Variants in FGF14 observed in about 807,000 individuals in gnomAD.
FGF14 encodes fibroblast growth factor homologous factor 4.
FGF14 carries 5 observed loss-of-function variants against 25.5 expected under a neutral mutation model. The ratio of observed to expected loss-of-function variants is 0.20; its 90% CI spans 0.10 to 0.41. The LOEUF (loss-of-function observed/expected upper bound fraction) is 0.41. FGF14 is among the 10% of genes least tolerant of loss of function. The probability of loss-of-function intolerance (pLI) is 1.00; values close to 1 mark genes in which losing one functional copy is unlikely to be tolerated. For missense variants in FGF14, 222 were observed against 320.1 expected (o/e 0.69, Z 2.34); for synonymous variants, 138 against 118.3 (o/e 1.17, Z -1.08).
At chr13:101,866,981 G>A (rs2140438325) in intron 3 of FGF14, among the ~76,000 whole-genome samples, 1 of 152,194 alleles carries the variant, frequency 6.6e-6, no homozygotes, top group South Asian at 2.1e-4. Context: ...GCCACCAAAG[G>A]GGAGGCCTGG....
At chr13:101,959,042 C>A (rs2036679129) in intron 1 of FGF14, among the ~76,000 whole-genome samples, 1 of 152,190 alleles carries the variant, frequency 6.6e-6, no homozygotes, top group Non-Finnish European at 1.5e-5. Flanking sequence ...CCAAGCAAAC[C>A]TTCAATCTTC....
chr13:101,889,602 A>G (rs1487244981), intron 1 of FGF14, among the ~76,000 whole-genome samples: 2 of 152,202 alleles, frequency 1.3e-5, no homozygotes, highest in Non-Finnish European at 2.9e-5. Flanking sequence ...TAGACTGCAA[A>G]CCACTCATCA....
intron 1 of FGF14, among the ~76,000 whole-genome samples, chr13:101,914,688 T>C (rs933437984): frequency 2.0e-5 from 3 of 152,182 alleles, no homozygotes; most frequent in African/African-American, 4.8e-5. Flanking sequence ...CACAAAACAT[T>C]TATTGTTCAT....
chr13:101,868,515 T>C, intron 3 of FGF14: 1 of 545,686 alleles, frequency 1.8e-6, no homozygotes, highest in Non-Finnish European at 3.3e-6. Context: ...AAAAGCACTA[T>C]TTAAGACATA....
chr13:102,023,272 G>A (rs9634453), intron 1 of FGF14, among the ~76,000 whole-genome samples: 51,210 of 151,662 alleles, frequency 0.34, 9,506 homozygotes, highest in East Asian at 0.72. Context: ...ACCAATATAT[G>A]AACTTAAAGT....
intron 3 of FGF14, among the ~76,000 whole-genome samples, chr13:101,844,178 C>T (rs569556213): frequency 6.6e-6 from 1 of 151,946 alleles, no homozygotes; most frequent in Non-Finnish European, 1.5e-5. Flanking sequence ...GTCTTAAAAT[C>T]ATGAAAAATA....
chr13:101,833,015 C>A (rs2042751450), intron 3 of FGF14, among the ~76,000 whole-genome samples: 2 of 151,954 alleles, frequency 1.3e-5, no homozygotes, highest in Non-Finnish European at 2.9e-5. Context: ...CAGAAAGAAA[C>A]CACACACGAG....
chr13:102,063,250 T>C (rs1202592427), intron 1 of FGF14, among the ~76,000 whole-genome samples: 3 of 152,156 alleles, frequency 2.0e-5, no homozygotes, highest in African/African-American at 4.8e-5. Flanking sequence ...TATGTCAAAA[T>C]CAAGAAAGTA....
intron 2 of FGF14, among the ~76,000 whole-genome samples, chr13:101,869,946 CTTCTGA>C (rs1211657090): frequency 2.6e-5 from 4 of 152,136 alleles, no homozygotes; most frequent in African/African-American, 9.7e-5. Flanking sequence ...TACACCCTCT[CTTCTGA>C]TTATTACAAG....
intron 3 of FGF14, among the ~76,000 whole-genome samples, chr13:101,792,057 T>C (rs554567496): frequency 1.3e-5 from 2 of 152,098 alleles, no homozygotes; most frequent in South Asian, 2.1e-4. Flanking sequence ...TAAATCTAAA[T>C]GATTACAATA....
At chr13:102,272,305 C>T (rs983629015) in intron 1 of FGF14, among the ~76,000 whole-genome samples, 5 of 152,068 alleles carry the variant, frequency 3.3e-5, no homozygotes. Flanking sequence ...CTAATAAACC[C>T]CTTTGTCTTT....
chr13:101,976,708 A>G (rs1284842585), intron 1 of FGF14, among the ~76,000 whole-genome samples: 1 of 152,194 alleles, frequency 6.6e-6, no homozygotes, highest in Admixed American at 6.5e-5. Context: ...TTTTTCATTC[A>G]GTACTTGGTT....
At chr13:101,895,403 T>C (rs2030487592) in intron 1 of FGF14, among the ~76,000 whole-genome samples, 1 of 152,182 alleles carries the variant, frequency 6.6e-6, no homozygotes, top group Non-Finnish European at 1.5e-5. Flanking sequence ...AAATACTTTA[T>C]GTATTTCATC....
intron 3 of FGF14, among the ~76,000 whole-genome samples, chr13:101,751,138 A>G (rs2037244562): frequency 6.6e-6 from 1 of 152,144 alleles, no homozygotes; most frequent in Non-Finnish European, 1.5e-5. Flanking sequence ...GTCATTATAC[A>G]TTTGACAAAA....
At chr13:101,807,556 A>G (rs2041269883) in intron 3 of FGF14, among the ~76,000 whole-genome samples, 3 of 152,096 alleles carry the variant, frequency 2.0e-5, no homozygotes, top group Non-Finnish European at 4.4e-5. Flanking sequence ...TCTTAATTAA[A>G]GCATCATTTT....
At position 102,161,565 on chromosome 13, in the gene FGF14, TGAAGAAA is replaced by T. The variant is rs1210418880; in HGVS notation, c.208+239899_208+239905del. On this transcript the variant is annotated intron_variant, in intron 1 of 4. Transcript: ENST00000376131. Reference sequence around the variant, plus strand: ...TATTCTCTATGCAACCAACTTTCTGTGAAGAAAGAAAGAAGAAGAAGAAGAAGAAGAA... The same window carrying T: ...TATTCTCTATGCAACCAACTTTCTGTGAAAGAAGAAGAAGAAGAAGAAGAA... 1.6e-4 allele frequency among the ~76,000 whole-genome samples: 16 copies of T among 97,984 alleles called. 4 individuals are homozygous for T. The highest frequency in any genetic ancestry group is 3.7e-4 in the South Asian group (1 of 2,694). 64.3% of individuals were successfully genotyped at this position (97,984 alleles called of 152,430 possible).
At chr13:102,079,610 G>A (rs1172115863) in intron 1 of FGF14, among the ~76,000 whole-genome samples, 1 of 151,952 alleles carries the variant, frequency 6.6e-6, no homozygotes, top group Non-Finnish European at 1.5e-5. Context: ...TGTCTTTTAT[G>A]CGCCATGTAC....
chr13:102,289,573 T>C (rs1264507942), intron 1 of FGF14, among the ~76,000 whole-genome samples: 1 of 152,204 alleles, frequency 6.6e-6, no homozygotes, highest in Non-Finnish European at 1.5e-5. Context: ...ATTGTTTACA[T>C]GACACAAAAT....
chr13:102,381,654 G>A (rs969711291), intron 1 of FGF14, among the ~76,000 whole-genome samples: 4 of 152,168 alleles, frequency 2.6e-5, no homozygotes, highest in African/African-American at 9.7e-5. Flanking sequence ...TTAATTTCTT[G>A]AAAGTGCTTA....
Sources: gnomAD v4.1 joint callset for allele counts (sites outside exome capture counted in the v4.1 genomes callset) on GRCh38, gnomAD v4.1.1 for gene constraint, MANE v1.5 for transcripts, NCBI Gene and HGNC (gene_info 2026-07-23, HGNC 2026-07-21) for gene names.